The following CNTN6 variants were observed in gnomAD, a reference collection of about 807,000 sequenced individuals.
The protein encoded by CNTN6 is contactin 6.
A neutral mutation model predicts 122.8 loss-of-function variants in CNTN6; 137 were observed. The ratio of observed to expected loss-of-function variants is 1.12; its 90% CI spans 0.97 to 1.29. The LOEUF is 1.29. Among genes scored for constraint, CNTN6 ranks in the 50% most tolerant of loss-of-function variants. The pLI, the probability that CNTN6 is intolerant of heterozygous loss-of-function variation, is 0.00. For missense variants in CNTN6, 1,634 were observed against 1,223.4 expected, an observed-to-expected ratio of 1.34 and a Z score of -5.01; for synonymous variants, 570 against 426.0, an observed-to-expected ratio of 1.34 and a Z score of -4.16.
chr3:1,373,596 T>C lies in CNTN6; in HGVS notation c.1787-8T>C, dbSNP rs1438614636. The C allele has an allele frequency of 3.1e-6, 5 of 1,609,156 alleles. No homozygotes were observed. Among genetic ancestry groups the C allele is most frequent in the Non-Finnish European group, 4.2e-6 (5 of 1,177,942 alleles). ...CCAATGGAGTCATGATAAAACATTT[T>C]TTTCAAGGTCCACCAGGTCCTCCTG... On this transcript the variant is annotated splice_region_variant and splice_polypyrimidine_tract_variant and intron_variant, in intron 14 of 22. Coordinates refer to ENST00000446702, the MANE Select transcript of CNTN6 (RefSeq NM_001289080.2).
At chr3:1,166,597 C>T (rs181773228) in intron 2 of CNTN6, among the ~76,000 whole-genome samples, 2 of 152,250 alleles carry the variant, frequency 1.3e-5, no homozygotes, top group Admixed American at 1.3e-4. Context: ...GGAAGCACAG[C>T]ACTTATCTAT....
At chr3:1,188,200 C>T (rs191843152) in intron 2 of CNTN6, among the ~76,000 whole-genome samples, 15 of 152,272 alleles carry the variant, frequency 9.9e-5, no homozygotes, top group Non-Finnish European at 1.9e-4. Context: ...TCTTTATGAA[C>T]TCAATGGCTA....
intron 4 of CNTN6, among the ~76,000 whole-genome samples, chr3:1,234,943 T>A (rs551137947): frequency 1.3e-5 from 2 of 152,336 alleles, no homozygotes; most frequent in African/African-American, 2.4e-5. Context: ...ACAAATAGAC[T>A]GTAAGCAGTT....
chr3:1,334,620 C>T (rs1281283201), intron 11 of CNTN6, among the ~76,000 whole-genome samples: 1 of 151,928 alleles, frequency 6.6e-6, no homozygotes, highest in African/African-American at 2.4e-5. Flanking sequence ...CCAAACACGG[C>T]AATTGCTGTG....
At chr3:1,378,541 C>T (rs78733863) in intron 17 of CNTN6, among the ~76,000 whole-genome samples, 3,437 of 152,156 alleles carry the variant, frequency 0.023, 57 homozygotes, top group Non-Finnish European at 0.033. Flanking sequence ...GTCCACCCTC[C>T]ATGAACACTT....
At chr3:1,185,348 C>T (rs2093613913) in intron 2 of CNTN6, among the ~76,000 whole-genome samples, 6 of 152,042 alleles carry the variant, frequency 3.9e-5, no homozygotes, top group Admixed American at 3.3e-4. Flanking sequence ...AAAGATGTTT[C>T]TAAAATATGT....
intron 20 of CNTN6, among the ~76,000 whole-genome samples, chr3:1,388,311 T>G (rs1298156343): frequency 1.4e-5 from 2 of 146,604 alleles, no homozygotes; most frequent in Admixed American, 1.4e-4. Context: ...CACTGACACC[T>G]CACACGGCAG....
chr3:1,261,046 A>G lies in CNTN6; in HGVS notation c.359-17367A>G, dbSNP rs115586096. Among the ~76,000 whole-genome samples the G allele has an allele frequency of 3.0e-3, 449 of 151,858 alleles. 2 individuals carry two copies. Among genetic ancestry groups the G allele is most frequent in the African/African-American group, 0.01 (421 of 41,412 alleles). ...TCAGAGAACTCTATGTGCGATGGGG[A>G]AAAAAAAATTAGAGAAACATTGGTT... On this transcript the variant is annotated intron_variant, in intron 4 of 22. Coordinates refer to ENST00000446702, the MANE Select transcript of CNTN6 (RefSeq NM_001289080.2).
intron 2 of CNTN6, among the ~76,000 whole-genome samples, chr3:1,196,212 C>T (rs528066065): frequency 1.1e-4 from 17 of 152,298 alleles, no homozygotes; most frequent in African/African-American, 3.4e-4. Flanking sequence ...AGAGTAAGAG[C>T]CTTCTTTCCT....
At chr3:1,321,001 CT>C (rs532893784) in intron 7 of CNTN6, among the ~76,000 whole-genome samples, 1 of 151,226 alleles carries the variant, frequency 6.6e-6, no homozygotes, top group Non-Finnish European at 1.5e-5. Context: ...CTTTGTTTTA[CT>C]TTTTTTTAAA....
intron 12 of CNTN6, among the ~76,000 whole-genome samples, chr3:1,365,680 AC>A (rs1457945861): frequency 2.0e-5 from 3 of 152,088 alleles, no homozygotes; most frequent in African/African-American, 7.2e-5. Context: ...AAATAAACTT[AC>A]TTTTAATGAC....
In CNTN6 at chr3:1,404,210, A is replaced by G. The variant is rs2126270046; in HGVS notation, c.*792A>G. On this transcript the variant is annotated 3_prime_UTR_variant, in exon 23 of 23. Coordinates refer to ENST00000446702, the MANE Select transcript of CNTN6 (RefSeq NM_001289080.2). ...TTATTTTTATAATAAAACAATGTGG[A>G]AACAGAATTATTTGATCAAGTTTTC... The G allele has an allele frequency of 6.6e-6, 1 of 152,242 alleles. No individual in the cohort carries two copies. The highest frequency in any genetic ancestry group is 2.1e-4 in the South Asian group (1 of 4,826). 9.4% of individuals were successfully genotyped at this position (152,242 alleles called of 1,614,324 possible). A position where few individuals can be genotyped will look rare whatever the true frequency, so the allele number is the denominator to read the frequency against.
intron 2 of CNTN6, among the ~76,000 whole-genome samples, chr3:1,168,254 C>T (rs2093295772): frequency 1.3e-5 from 2 of 151,478 alleles, no homozygotes; most frequent in South Asian, 2.1e-4. Flanking sequence ...CCTCCAGAAG[C>T]CGACTTTCAG....
chr3:1,189,122 G>C (rs1008459383), intron 2 of CNTN6, among the ~76,000 whole-genome samples: 1 of 152,190 alleles, frequency 6.6e-6, no homozygotes, highest in Non-Finnish European at 1.5e-5. Context: ...AGTGTAGCTA[G>C]AATTGATACA....
intron 5 of CNTN6, 26 bp from the exon 6 acceptor site, chr3:1,295,575 G>GTT: frequency 6.3e-7 from 1 of 1,590,878 alleles, no homozygotes; most frequent in Non-Finnish European, 8.6e-7. Context: ...GTTTTGTTTT[G>GTT]TTTTGTTTTG....
intron 11 of CNTN6, among the ~76,000 whole-genome samples, chr3:1,341,456 T>G (rs957063492): frequency 6.6e-6 from 1 of 152,176 alleles, no homozygotes; most frequent in African/African-American, 2.4e-5. Context: ...AGGCTTTCCA[T>G]CTGATGCTGT....
At chr3:1,395,697 G>A (rs948005416) in intron 20 of CNTN6, among the ~76,000 whole-genome samples, 1 of 152,072 alleles carries the variant, frequency 6.6e-6, no homozygotes, top group African/African-American at 2.4e-5. Flanking sequence ...AAAGTAATGT[G>A]TCCACAGGTA....
At position 1,130,558 on chromosome 3, in the gene CNTN6, A is replaced by G. The variant is rs189256138; in HGVS notation, c.-82-17369A>G. On this transcript the variant is annotated intron_variant, in intron 1 of 22. Transcript: ENST00000446702. The stretch of plus-strand genomic sequence containing the variant: ...ACCACCTTCCAGTGGTCCCCAGAGG[A>G]ACTGAGATCCAGTTGATGACACTGG... 7.2e-4 allele frequency among the ~76,000 whole-genome samples: 110 copies of G among 152,224 alleles called. 2 individuals carry two copies. The highest frequency in any genetic ancestry group is 2.5e-3 in the African/African-American group (105 of 41,568).
intron 1 of CNTN6, among the ~76,000 whole-genome samples, chr3:1,110,679 G>A (rs1024875270): frequency 1.3e-5 from 2 of 151,760 alleles, no homozygotes; most frequent in South Asian, 2.1e-4. Flanking sequence ...CTCTAAGTCA[G>A]TACTTTGAAA....
Sources: allele counts gnomAD v4.1 joint callset (sites outside exome capture counted in the v4.1 genomes callset), GRCh38; gene constraint gnomAD v4.1.1; transcripts MANE v1.5; gene names NCBI Gene and HGNC (gene_info 2026-07-23, HGNC 2026-07-21).